The following DDAH1 variants were observed in gnomAD, a reference collection of about 807,000 sequenced individuals.
The protein encoded by DDAH1 is dimethylarginine dimethylaminohydrolase 1.
Under a neutral mutation model 28.8 loss-of-function variants are expected in DDAH1, and 19 were observed. The ratio of observed to expected loss-of-function variants is 0.66; its 90% confidence interval spans 0.46 to 0.97. DDAH1 has a LOEUF of 0.97. Among genes scored for constraint, DDAH1 ranks in the 50% least tolerant of loss-of-function variants. The probability of loss-of-function intolerance (pLI) is 0.00; values close to 1 mark genes in which losing one functional copy is unlikely to be tolerated. For missense variants in DDAH1, 326 were observed against 375.9 expected (o/e 0.87, Z 1.10); for synonymous variants, 153 against 154.4 (o/e 0.99, Z 0.07).
upstream of DDAH1, among the ~76,000 whole-genome samples, chr1:85,466,920 C>T (rs1655407638): frequency 7.1e-6 from 1 of 140,190 alleles, no homozygotes; most frequent in Non-Finnish European, 1.5e-5. Context: ...TCACTGCAAC[C>T]TCTGCAACCG....
intron 1 of DDAH1, among the ~76,000 whole-genome samples, chr1:85,382,166 G>A (rs767205017): frequency 2.2e-4 from 33 of 152,192 alleles, no homozygotes; most frequent in Admixed American, 1.6e-3. Context: ...GATTGTAAAG[G>A]AAGTTGAGTT....
chr1:85,478,056 G>A (rs936783397), intron 2 of DDAH1, among the ~76,000 whole-genome samples: 4 of 151,920 alleles, frequency 2.6e-5, no homozygotes, highest in African/African-American at 9.7e-5. Flanking sequence ...TTTAAAGAAA[G>A]TATTTTTCAA....
chr1:85,571,787 CTTTTTTTTTTTTT>C (rs58835610), intron 1 of DDAH1, among the ~76,000 whole-genome samples: 4 of 85,382 alleles, frequency 4.7e-5, no homozygotes, highest in African/African-American at 4.8e-5. Flanking sequence ...TGTTTATAAG[CTTTTTTTTTTTTT>C]TTTTTTTTTT....
intron 4 of DDAH1, among the ~76,000 whole-genome samples, chr1:85,331,410 T>TATATTC (rs1293909184): frequency 6.7e-6 from 1 of 149,482 alleles, no homozygotes; most frequent in East Asian, 1.9e-4. Context: ...AATTGATCTT[T>TATATTC]ATATTCATAT....
chr1:85,421,155 A>G (rs12034481), intron 1 of DDAH1, among the ~76,000 whole-genome samples: 2,648 of 152,304 alleles, frequency 0.017, 74 homozygotes, highest in East Asian at 0.12. Flanking sequence ...TGACCCCATG[A>G]TCCAATCACC....
At chr1:85,330,380 C>G (rs1006743808) in intron 4 of DDAH1, among the ~76,000 whole-genome samples, 2 of 152,302 alleles carry the variant, frequency 1.3e-5, no homozygotes, top group Non-Finnish European at 2.9e-5. Context: ...CCCGAGAATG[C>G]AGCTGTTGGG....
At chr1:85,324,408 T>C (rs1223060189) in intron 5 of DDAH1, among the ~76,000 whole-genome samples, 1 of 152,154 alleles carries the variant, frequency 6.6e-6, no homozygotes, top group Non-Finnish European at 1.5e-5. Flanking sequence ...TAGGTCTTTA[T>C]GCTTAATGAG....
At chr1:85,381,494 C>G (rs11802126) in intron 1 of DDAH1, among the ~76,000 whole-genome samples, 5,440 of 151,484 alleles carry the variant, frequency 0.036, 341 homozygotes, top group African/African-American at 0.12. Context: ...CTTCACCCCC[C>G]TCCCAACCTT....
At chr1:85,463,593 G>T (rs921967950) in intron 1 of DDAH1, among the ~76,000 whole-genome samples, 1 of 152,204 alleles carries the variant, frequency 6.6e-6, no homozygotes, top group Non-Finnish European at 1.5e-5. Context: ...TGATTATCTC[G>T]ATGAGAAATT....
chr1:85,404,493 G>C, intron 1 of DDAH1: 1 of 1,509,256 alleles, frequency 6.6e-7, no homozygotes, highest in Non-Finnish European at 8.8e-7. Context: ...CTGAAGAACA[G>C]TCTGACCCGG....
At chr1:85,544,510 T>A (rs1192742205) in intron 1 of DDAH1, among the ~76,000 whole-genome samples, 1 of 152,194 alleles carries the variant, frequency 6.6e-6, no homozygotes, top group Admixed American at 6.5e-5. Flanking sequence ...TGCCAGTGAA[T>A]GCCTAACTCT....
At chr1:85,490,228 G>C (rs1441102747) in intron 2 of DDAH1, among the ~76,000 whole-genome samples, 1 of 152,100 alleles carries the variant, frequency 6.6e-6, no homozygotes, top group Admixed American at 6.5e-5. Context: ...AACAATTTGA[G>C]GTAAAAATAG....
At chr1:85,525,911 A>C (rs1657856393) in intron 1 of DDAH1, among the ~76,000 whole-genome samples, 1 of 152,212 alleles carries the variant, frequency 6.6e-6, no homozygotes, top group Non-Finnish European at 1.5e-5. Context: ...GTGATTCTTT[A>C]AAAAGTCAGT....
intron 1 of DDAH1, among the ~76,000 whole-genome samples, chr1:85,512,731 G>A (rs1227738352): frequency 6.6e-6 from 1 of 152,154 alleles, no homozygotes; most frequent in Non-Finnish European, 1.5e-5. Context: ...GCCAAATCAT[G>A]AGTGAACTCC....
intron 2 of DDAH1, among the ~76,000 whole-genome samples, chr1:85,485,743 G>A (rs935272278): frequency 6.6e-6 from 1 of 152,146 alleles, no homozygotes; most frequent in African/African-American, 2.4e-5. Flanking sequence ...GCATCCGTAG[G>A]ACAATTAAAG....
Position 85,485,475 on chromosome 1 carries a change from C to T in DDAH1, c.-7+10691G>A, listed in dbSNP as rs1231191852. ...AACTGCAGAATAACTAAAATCCTAG[C>T]ATGGGAAAAATATTCCAGGACTCCT... On this transcript the variant is annotated intron_variant, in intron 2 of 6. Transcript: ENST00000426972. Among the ~76,000 whole-genome samples the T allele has an allele frequency of 2.6e-5, 4 of 152,060 alleles. No individual in the cohort carries two copies. The East Asian group carries it at 7.7e-4, about 29-fold the overall frequency.
intron 1 of DDAH1, among the ~76,000 whole-genome samples, chr1:85,571,010 G>C (rs1659439048): frequency 6.6e-6 from 1 of 152,134 alleles, no homozygotes; most frequent in Admixed American, 6.5e-5. Context: ...ATCCTTGTTT[G>C]GTCACATTCT....
At chr1:85,445,131 A>G (rs1299732741) in intron 1 of DDAH1, among the ~76,000 whole-genome samples, 3 of 152,120 alleles carry the variant, frequency 2.0e-5, no homozygotes, top group African/African-American at 7.2e-5. Context: ...ACCCAGATTA[A>G]GGGTGAATCT....
chr1:85,350,389 T>C (rs571598165), intron 4 of DDAH1, 26 bp downstream of exon 4: 2 of 1,606,266 alleles, frequency 1.2e-6, no homozygotes, highest in East Asian at 4.5e-5. Context: ...CCACTACATT[T>C]AGAAGGAGCA....
Sources: allele counts gnomAD v4.1 joint callset (sites outside exome capture counted in the v4.1 genomes callset), GRCh38; gene constraint gnomAD v4.1.1; transcripts MANE v1.5; gene names NCBI Gene and HGNC (gene_info 2026-07-23, HGNC 2026-07-21).